NT5E: variants seen among roughly 807,000 people sequenced by gnomAD.
The protein encoded by NT5E is 5'-nucleotidase ecto, also known as 5'-nucleotidase.
A neutral mutation model predicts 55.1 loss-of-function variants in NT5E; 53 were observed. That is an observed-to-expected ratio of 0.96 (90% CI 0.77 to 1.21). The LOEUF is 1.21. Ranked by LOEUF, NT5E falls within the 50% of genes most tolerant of loss-of-function variation. The pLI is 0.00. For missense variants in NT5E, 683 were observed against 724.3 expected, an observed-to-expected ratio of 0.94 and a Z score of 0.65; for synonymous variants, 270 against 278.4, an observed-to-expected ratio of 0.97 and a Z score of 0.30.
intron 1 of NT5E, among the ~76,000 whole-genome samples, chr6:85,455,778 G>C (rs769744365): frequency 2.6e-5 from 4 of 152,142 alleles, no homozygotes; most frequent in Non-Finnish European, 4.4e-5. Context: ...GATAGTATCA[G>C]AATTGAATTC....
intron 2 of NT5E, among the ~76,000 whole-genome samples, chr6:85,469,095 G>C (rs947774211): frequency 1.3e-5 from 2 of 152,202 alleles, no homozygotes; most frequent in Non-Finnish European, 2.9e-5. Context: ...GGCACCCACA[G>C]GGTTATAACC....
chr6:85,454,529 A>G (rs772310150), intron 1 of NT5E, among the ~76,000 whole-genome samples: 1 of 152,070 alleles, frequency 6.6e-6, no homozygotes, highest in African/African-American at 2.4e-5. Context: ...TTAGCTTTAT[A>G]TTTTTTGACT....
chr6:85,467,849 C>T (rs187891179), intron 2 of NT5E, among the ~76,000 whole-genome samples: 1 of 151,348 alleles, frequency 6.6e-6, no homozygotes, highest in East Asian at 1.9e-4. Context: ...GACATATATA[C>T]ACATATGTAT....
rs369163184 is a variant in NT5E at position 85,462,393 on chromosome 6, T to A, written c.340-4667T>A. Among the ~76,000 whole-genome samples the A allele has an allele frequency of 7.2e-5, 11 of 152,310 alleles. No homozygotes were observed. In the South Asian group the frequency reaches 1.2e-3, roughly 17 times the overall value. On this transcript the variant is annotated intron_variant, in intron 1 of 8. Transcript: ENST00000257770. The stretch of plus-strand genomic sequence containing the variant: ...GATGCTCTTAGCAGCATCATTTTTT[T>A]TTCTGCCAGATTTTCAGGTGCCCTC...
At position 85,485,405 on chromosome 6, in the gene NT5E, A is replaced by T. The variant is rs761352003; in HGVS notation, c.922A>T (p.Ile308Phe). 1 of 1,614,234 alleles carries T rather than the reference A, an allele frequency of 6.2e-7. No homozygotes were observed. ...GNVISSHGNP[I>F]LLNSSIPEDP... ...CGTCATCTCTTCCCATGGAAATCCC[A>T]TTCTTCTAAACAGCAGCATTCCTGA... The change falls in exon 4 of 9, where the codon ATT (isoleucine) becomes TTT (phenylalanine). Residue 308 changes from isoleucine (I) to phenylalanine (F), a missense_variant. Ile to Phe is a conservative substitution (Grantham distance 21). Transcript: ENST00000257770.
chr6:85,492,215 CA>C (rs777055143), intron 8 of NT5E, 38 bp downstream of exon 8: 1 of 1,600,948 alleles, frequency 6.2e-7, no homozygotes, highest in Non-Finnish European at 8.6e-7. Context: ...TAAAGAACAA[CA>C]AAATTGGGCC....
At position 85,480,506 on chromosome 6, in the gene NT5E, G is replaced by A. The variant is rs574007723; in HGVS notation, c.752-4729G>A. On this transcript the variant is annotated intron_variant, in intron 3 of 8. Transcript: ENST00000257770. ...GAATGGGCTGTGATGACTGGAGAGC[G>A]TGCTCTGTCCTGGTCACCTGAAGGT... 5.3e-5 allele frequency among the ~76,000 whole-genome samples: 8 copies of A among 152,320 alleles called. No homozygotes were observed. The South Asian group carries it at 6.2e-4, about 12-fold the overall frequency.
Position 85,450,618 on chromosome 6 carries a change from T to G in NT5E, c.339+140T>G. On this transcript the variant is annotated intron_variant, in intron 1 of 8. Coordinates refer to ENST00000257770, the MANE Select transcript of NT5E (RefSeq NM_002526.4). The surrounding 1 kb of genome is among the most constrained non-coding windows in gnomAD (Gnocchi z 4.0). ...GGGGATAAAGTGAGACTCCGGCCAG[T>G]GTGCCAGCTGGATGCATAGAAGTCC... The G allele has an allele frequency of 3.8e-6, 3 of 789,934 alleles. No individual in the cohort carries two copies. The highest frequency in any genetic ancestry group is 6.4e-6 in the Non-Finnish European group (3 of 471,480). The allele number at this position is 789,934 out of a possible 1,614,324, so 48.9% of individuals were successfully genotyped here.
chr6:85,485,212 C>G (rs747187559), intron 3 of NT5E, 23 bp from the exon 4 acceptor site: 22 of 1,613,032 alleles, frequency 1.4e-5, no homozygotes, highest in Non-Finnish European at 1.6e-5. Context: ...CTGACTTGAT[C>G]AGCTGTGGCT....
At chr6:85,479,682 G>A (rs1469644247) in intron 3 of NT5E, among the ~76,000 whole-genome samples, 2 of 152,066 alleles carry the variant, frequency 1.3e-5, no homozygotes, top group African/African-American at 4.8e-5. Flanking sequence ...AAGAAATAAA[G>A]TCATTACTTC....
At chr6:85,470,162 T>C (rs1161577584) in intron 2 of NT5E, among the ~76,000 whole-genome samples, 1 of 152,166 alleles carries the variant, frequency 6.6e-6, no homozygotes, top group Non-Finnish European at 1.5e-5. Context: ...ATGTCTGTAT[T>C]TGCAGTCATC....
intron 3 of NT5E, among the ~76,000 whole-genome samples, chr6:85,476,633 C>T (rs933313593): frequency 6.6e-5 from 10 of 152,154 alleles, no homozygotes; most frequent in African/African-American, 9.7e-5. Context: ...TCAGCTTGCA[C>T]GAACAAATTG....
intron 5 of NT5E, among the ~76,000 whole-genome samples, chr6:85,488,390 C>T (rs191069485): frequency 2.0e-5 from 3 of 152,238 alleles, no homozygotes; most frequent in East Asian, 3.9e-4. Context: ...CATGCCAAGA[C>T]CAGACTCATG....
Position 85,471,290 on chromosome 6 carries a change from A to G in NT5E, c.616A>G (p.Lys206Glu). The change falls in exon 3 of 9, where the codon AAG (lysine) becomes GAG (glutamate). Residue 206 changes from lysine to glutamate, a missense_variant. Coordinates refer to ENST00000257770, the MANE Select transcript of NT5E (RefSeq NM_002526.4). Reference protein sequence around the residue: ...EITALQPEVDKLKTLNVNKII... With the variant: ...EITALQPEVDELKTLNVNKII... ...CACTGCATTACAACCTGAAGTAGAT[A>G]AGTTAAAAACTCTAAATGTGAACAA... The G allele has an allele frequency of 1.2e-6, 2 of 1,612,236 alleles. No homozygotes were observed. Among genetic ancestry groups the G allele is most frequent in the South Asian group, 2.2e-5 (2 of 90,832 alleles).
At chr6:85,487,534 G>C (rs1769694132) in intron 5 of NT5E, 45 bp downstream of exon 5, 2 of 1,604,820 alleles carry the variant, frequency 1.2e-6, no homozygotes, top group Non-Finnish European at 1.7e-6. Flanking sequence ...AGGAAGGAAA[G>C]GAAGAGGGAA....
At chr6:85,468,944 G>T (rs12664908) in intron 2 of NT5E, among the ~76,000 whole-genome samples, 21,070 of 151,998 alleles carry the variant, frequency 0.14, 1,773 homozygotes, top group African/African-American at 0.24. Flanking sequence ...GGCCCAGTGT[G>T]GGGGGAAAGG....
At chr6:85,462,692 C>T (rs1051656655) in intron 1 of NT5E, among the ~76,000 whole-genome samples, 2 of 152,232 alleles carry the variant, frequency 1.3e-5, no homozygotes, top group African/African-American at 2.4e-5. Flanking sequence ...ACTCACTCCA[C>T]CTGCTGCTTT....
In NT5E at chr6:85,450,442, G is replaced by A; in HGVS notation, c.303G>A (p.Val101=). Residue 101 remains valine, a synonymous_variant, in exon 1 of 9, where the codon GTG becomes GTA. Transcript: ENST00000257770. This position sits in a 1 kb window ranked among gnomAD's most constrained non-coding sequence, Gnocchi z 4.0. The part of the protein sequence containing the change: ...IWFTVYKGAE[V]AHFMNALRYD... ...TCACCGTGTACAAGGGCGCCGAGGT[G>A]GCGCACTTCATGAACGCCCTGCGCT... 1 of 1,601,520 alleles carries A rather than the reference G, an allele frequency of 6.2e-7. No homozygotes were observed. The highest frequency in any genetic ancestry group is 8.5e-7 in the Non-Finnish European group (1 of 1,175,266).
Position 85,494,505 on chromosome 6 carries a change from C to T in NT5E, c.*501C>T, listed in dbSNP as rs1166027427. 2.4e-5 allele frequency: 4 copies of T among 165,392 alleles called. No homozygotes were observed. Among genetic ancestry groups the T allele is most frequent in the Non-Finnish European group, 4.0e-5 (3 of 75,678 alleles). The allele number at this position is 165,392 out of a possible 1,614,324, so 10.2% of individuals were successfully genotyped here. The stretch of plus-strand genomic sequence containing the variant: ...ACAGCTAATGCTGACAGATCCAAGA[C>T]CTAGACCTAGGTCTTTTGAACTCAA... On this transcript the variant is annotated 3_prime_UTR_variant, in exon 9 of 9. Coordinates refer to ENST00000257770, the MANE Select transcript of NT5E (RefSeq NM_002526.4).
Sources: allele counts gnomAD v4.1 joint callset (sites outside exome capture counted in the v4.1 genomes callset), GRCh38; gene constraint gnomAD v4.1.1; non-coding constraint Gnocchi (gnomAD v3.1); transcripts MANE v1.5; gene names NCBI Gene and HGNC (gene_info 2026-07-23, HGNC 2026-07-21).